Variants in NEMF observed in about 807,000 individuals in gnomAD.
NEMF encodes ribosome quality control complex subunit NEMF.
In NEMF, 89 loss-of-function variants were observed where a neutral mutation model predicts 162.2. The ratio of observed to expected loss-of-function variants is 0.55; its 90% confidence interval spans 0.46 to 0.65. The LOEUF (loss-of-function observed/expected upper bound fraction) is 0.65. Ranked by LOEUF, NEMF falls within the 30% of genes least tolerant of loss-of-function variation. The probability of loss-of-function intolerance (pLI) is 0.00; values close to 1 mark genes in which losing one functional copy is unlikely to be tolerated. For synonymous variants in NEMF, 421 were observed against 404.5 expected, an observed-to-expected ratio of 1.04 and a Z score of -0.49; for missense variants, 1,133 against 1,261.9, an observed-to-expected ratio of 0.90 and a Z score of 1.55.
chr14:49,782,471 CT>C lies in NEMF; in HGVS notation c.*2164del. 1 of 1,602,762 alleles carries C rather than the reference CT, an allele frequency of 6.2e-7. No individual in the cohort carries two copies. Among genetic ancestry groups the C allele is most frequent in the South Asian group, 1.1e-5 (1 of 90,068 alleles). Reference sequence around the variant, plus strand: ...CATCACAGAGCTGTAAGTATACTACCTTCACATTATTACTGAAACTTACTTG... The same window carrying C: ...CATCACAGAGCTGTAAGTATACTACCTCACATTATTACTGAAACTTACTTG... On this transcript the variant is annotated 3_prime_UTR_variant, in exon 33 of 33. Transcript: ENST00000298310.
chr14:49,836,036 T>A (rs1233617076), intron 6 of NEMF, among the ~76,000 whole-genome samples: 1 of 152,192 alleles, frequency 6.6e-6, no homozygotes, highest in African/African-American at 2.4e-5. Context: ...ACAGACTTAA[T>A]GTAATCCTTA....
chr14:49,806,265 T>TATATAA (rs1891207554), intron 18 of NEMF, 132 bp from the exon 19 acceptor site: 1 of 75,888 alleles, frequency 1.3e-5, no homozygotes, highest in African/African-American at 4.5e-5. Context: ...TATTTTTTTT[T>TATATAA]TTTTTTTTTT....
At chr14:49,804,249 C>T (rs1301391706) in intron 19 of NEMF, among the ~76,000 whole-genome samples, 7 of 151,982 alleles carry the variant, frequency 4.6e-5, no homozygotes, top group Non-Finnish European at 1.0e-4. Context: ...CATGATCTGC[C>T]CACCTTGGCC....
intron 16 of NEMF, among the ~76,000 whole-genome samples, chr14:49,817,417 G>A (rs1891769723): frequency 6.6e-6 from 1 of 152,150 alleles, no homozygotes; most frequent in Non-Finnish European, 1.5e-5. Context: ...TTCAGCCTGG[G>A]TGACAGAGCA....
At chr14:49,837,097 ACCC>A (rs1437877149) in intron 6 of NEMF, among the ~76,000 whole-genome samples, 1 of 151,894 alleles carries the variant, frequency 6.6e-6, no homozygotes. Context: ...ACATGGTGAA[ACCC>A]CATCTCTACT....
At position 49,782,475 on chromosome 14, in the gene NEMF, A is replaced by C; in HGVS notation, c.*2161T>G. On this transcript the variant is annotated 3_prime_UTR_variant, in exon 33 of 33. Transcript: ENST00000298310. ...ACAGAGCTGTAAGTATACTACCTTC[A>C]CATTATTACTGAAACTTACTTGCAA... is the stretch of plus-strand genomic sequence containing the variant. The C allele has an allele frequency of 6.2e-7, 1 of 1,601,244 alleles. No individual in the cohort carries two copies. Among genetic ancestry groups the C allele is most frequent in the Non-Finnish European group, 8.5e-7 (1 of 1,170,780 alleles).
chr14:49,840,279 T>C (rs1237088424), intron 5 of NEMF, among the ~76,000 whole-genome samples: 2 of 152,134 alleles, frequency 1.3e-5, no homozygotes, highest in Admixed American at 6.6e-5. Context: ...AAGGCTAACA[T>C]GTTGAAACCC....
chr14:49,838,228 C>G (rs781304665), intron 5 of NEMF, 22 bp from the exon 6 acceptor site: 1 of 1,607,726 alleles, frequency 6.2e-7, no homozygotes. Context: ...AACGGACATG[C>G]CTCTATCATA....
chr14:49,831,854 C>G (rs1443846027), intron 10 of NEMF, among the ~76,000 whole-genome samples, 197 bp downstream of exon 10: 3 of 152,198 alleles, frequency 2.0e-5, no homozygotes, highest in Admixed American at 2.0e-4. Flanking sequence ...GAAGTTCAAA[C>G]CTCTGGTCCT....
At chr14:49,810,392 A>T (rs1478131037) in intron 18 of NEMF, among the ~76,000 whole-genome samples, 1 of 152,092 alleles carries the variant, frequency 6.6e-6, no homozygotes, top group Non-Finnish European at 1.5e-5. Context: ...AAAAATTAAA[A>T]AAAGAAAAAA....
intron 16 of NEMF, among the ~76,000 whole-genome samples, chr14:49,815,348 T>C (rs1338880787): frequency 1.3e-5 from 2 of 152,198 alleles, no homozygotes; most frequent in African/African-American, 4.8e-5. Flanking sequence ...ATTACAACTT[T>C]TCTCAAAAGA....
Position 49,784,682 on chromosome 14 carries a change from T to C in NEMF, c.3185A>G (p.Lys1062Arg). 6.2e-7 allele frequency: 1 copy of C among 1,612,980 alleles called. No individual in the cohort carries two copies. The highest frequency in any genetic ancestry group is 8.5e-7 in the Non-Finnish European group (1 of 1,179,238). ...AAGATTGGGTGCAGACACTTTCACT[T>C]TGCCAGGAATGTTTCTTGATAAATC... ...DTDLSRNIPG[K>R]VKVSAPNLLN... The change falls in exon 33 of 33, where the codon AAA becomes AGA. Residue 1062 changes from lysine (K) to arginine (R), a missense_variant. Transcript: ENST00000298310.
chr14:49,836,280 T>C (rs1405830704), intron 6 of NEMF, among the ~76,000 whole-genome samples: 2 of 151,148 alleles, frequency 1.3e-5, no homozygotes, highest in Non-Finnish European at 1.5e-5. Flanking sequence ...TTGTCTCAAA[T>C]AATAGTAATA....
rs369144485 is a variant in NEMF, at chr14:49,834,309, T to A, written c.661+54A>T. 332 of 1,288,742 alleles carry A rather than the reference T, an allele frequency of 2.6e-4. 7 individuals are homozygous for A. In the South Asian group the frequency reaches 3.3e-3, roughly 13 times the overall value. 79.8% of individuals were successfully genotyped at this position (1,288,742 alleles called of 1,614,324 possible). A position where few individuals can be genotyped will look rare whatever the true frequency, so the allele number is the denominator to read the frequency against. On this transcript the variant is annotated intron_variant, in intron 7 of 32. Transcript: ENST00000298310. Reference sequence around the variant, plus strand: ...TCCCTTATTACTTTCCCAGAAAAAATTTTCATAGTTTAAAAAAAATGAAAT... The same window carrying A: ...TCCCTTATTACTTTCCCAGAAAAAAATTTCATAGTTTAAAAAAAATGAAAT...
chr14:49,802,781 GCTTGT>G, intron 20 of NEMF, 54 bp from the exon 21 acceptor site: 2 of 1,442,214 alleles, frequency 1.4e-6, no homozygotes, highest in Non-Finnish European at 9.5e-7. Context: ...TCCATTTTTT[GCTTGT>G]AAAACAAAAA....
chr14:49,810,502 TG>T (rs1435123108), intron 18 of NEMF, among the ~76,000 whole-genome samples: 1 of 152,236 alleles, frequency 6.6e-6, no homozygotes, highest in Non-Finnish European at 1.5e-5. Context: ...TTCTATCCCT[TG>T]ATCTATTTGT....
intron 15 of NEMF, 51 bp from the exon 16 acceptor site, chr14:49,826,006 T>G (rs772773011): frequency 1.2e-5 from 15 of 1,289,482 alleles, no homozygotes; most frequent in Non-Finnish European, 1.5e-5. Flanking sequence ...TGTATTTAAA[T>G]AACACCAAAG....
chr14:49,834,148 C>T, intron 7 of NEMF: 1 of 589,266 alleles, frequency 1.7e-6, no homozygotes, highest in South Asian at 1.7e-5. Flanking sequence ...TGGAGTGCAG[C>T]TGTGCAGTCA....
intron 18 of NEMF, among the ~76,000 whole-genome samples, chr14:49,809,203 A>G (rs962835836): frequency 3.3e-5 from 5 of 152,226 alleles, no homozygotes; most frequent in African/African-American, 4.8e-5. Context: ...CTGAAAACTT[A>G]TATCTGTACA....
Sources: gnomAD v4.1 joint callset for allele counts (sites outside exome capture counted in the v4.1 genomes callset) on GRCh38, gnomAD v4.1.1 for gene constraint, MANE v1.5 for transcripts, NCBI Gene and HGNC (gene_info 2026-07-23, HGNC 2026-07-21) for gene names.